The following HPSE2 variants were observed in gnomAD, a reference collection of about 807,000 sequenced individuals.
HPSE2 encodes the protein heparanase 2 (inactive).
Under a neutral mutation model 60.5 loss-of-function variants are expected in HPSE2, and 38 were observed. The ratio of observed to expected loss-of-function variants is 0.63; its 90% confidence interval spans 0.48 to 0.82. HPSE2 has a LOEUF of 0.82. HPSE2 is among the 40% of genes least tolerant of loss of function. The pLI, the probability that HPSE2 is intolerant of heterozygous loss-of-function variation, is 0.00. For missense variants in HPSE2, 713 were observed against 740.4 expected (o/e 0.96, Z 0.43); for synonymous variants, 295 against 293.2 (o/e 1.01, Z -0.06).
chr10:98,908,683 CAAAAAAAA>C (rs35913499), intron 3 of HPSE2, among the ~76,000 whole-genome samples: 3 of 66,106 alleles, frequency 4.5e-5, no homozygotes, highest in African/African-American at 6.0e-5. Flanking sequence ...AGCTCCATCT[CAAAAAAAA>C]AAAAAAAAAA....
At chr10:98,959,924 C>A (rs1433037314) in intron 3 of HPSE2, among the ~76,000 whole-genome samples, 1 of 152,058 alleles carries the variant, frequency 6.6e-6, no homozygotes, top group Non-Finnish European at 1.5e-5. Context: ...CCATAGAAGC[C>A]AATATGCTTC....
intron 9 of HPSE2, among the ~76,000 whole-genome samples, chr10:98,542,773 A>G (rs1943516821): frequency 6.6e-6 from 1 of 152,048 alleles, no homozygotes; most frequent in South Asian, 2.1e-4. Flanking sequence ...AGGGAAGTTT[A>G]GAGAAAAAAG....
intron 9 of HPSE2, among the ~76,000 whole-genome samples, chr10:98,508,223 T>C (rs559211546): frequency 9.8e-5 from 15 of 152,350 alleles, no homozygotes; most frequent in Non-Finnish European, 1.9e-4. Context: ...TAATAGCAGA[T>C]GACACTAAAA....
intron 3 of HPSE2, among the ~76,000 whole-genome samples, chr10:98,953,402 C>T (rs996047718): frequency 3.3e-5 from 5 of 152,288 alleles, no homozygotes; most frequent in African/African-American, 1.2e-4. Context: ...CAGCTTACCT[C>T]ACCATGTTTC....
At chr10:98,625,959 A>G (rs1946196215) in intron 7 of HPSE2, among the ~76,000 whole-genome samples, 1 of 152,072 alleles carries the variant, frequency 6.6e-6, no homozygotes, top group Admixed American at 6.5e-5. Context: ...AAACAAAATT[A>G]GCTGGGTGTG....
chr10:98,579,968 AC>A (rs1344640247), intron 9 of HPSE2, among the ~76,000 whole-genome samples: 1 of 152,136 alleles, frequency 6.6e-6, no homozygotes, highest in Non-Finnish European at 1.5e-5. Context: ...TAAGTCTGCT[AC>A]CCAGCTGGTG....
chr10:98,777,852 T>G (rs975958582), intron 3 of HPSE2, among the ~76,000 whole-genome samples: 1 of 152,158 alleles, frequency 6.6e-6, no homozygotes, highest in African/African-American at 2.4e-5. Flanking sequence ...GCACAGGTTC[T>G]GTCAGGCCAC....
chr10:99,235,957 C>G (rs1849833039), upstream of HPSE2: 1 of 576,348 alleles, frequency 1.7e-6, no homozygotes, highest in South Asian at 2.3e-5. Flanking sequence ...CTCTCCCGCT[C>G]TCTCTCTCTC....
chr10:98,969,512 ACTTTAACTCTCT>A (rs1479256816), intron 3 of HPSE2, among the ~76,000 whole-genome samples: 4 of 152,174 alleles, frequency 2.6e-5, no homozygotes, highest in Non-Finnish European at 4.4e-5. Context: ...ACAAGTCTAT[ACTTTAACTCTCT>A]CTTCTTCATG....
intron 3 of HPSE2, among the ~76,000 whole-genome samples, chr10:98,881,257 G>A (rs185055241): frequency 9.1e-4 from 138 of 152,110 alleles, no homozygotes; most frequent in African/African-American, 3.1e-3. Context: ...TTATGGGTAG[G>A]GATTCCACGG....
intron 3 of HPSE2, among the ~76,000 whole-genome samples, chr10:98,915,977 C>T (rs974468030): frequency 6.6e-6 from 1 of 152,114 alleles, no homozygotes; most frequent in African/African-American, 2.4e-5. Flanking sequence ...ACATAGGATT[C>T]ACAACATTCC....
the HPSE2 span, among the ~76,000 whole-genome samples, chr10:99,315,732 A>G: frequency 1.3e-5 from 2 of 152,226 alleles, no homozygotes; most frequent in African/African-American, 4.8e-5. Context: ...TCTCTTCCTC[A>G]GTTCCATAAA....
intron 3 of HPSE2, among the ~76,000 whole-genome samples, chr10:99,034,262 T>C (rs1158827952): frequency 6.6e-6 from 1 of 152,178 alleles, no homozygotes; most frequent in African/African-American, 2.4e-5. Flanking sequence ...TACAAACCTA[T>C]GTATTGTATG....
At chr10:99,287,082 G>A in the HPSE2 span, among the ~76,000 whole-genome samples, 1 of 152,040 alleles carries the variant, frequency 6.6e-6, no homozygotes, top group Non-Finnish European at 1.5e-5. Context: ...CCAGCATCTA[G>A]TACAGAACCT....
intron 3 of HPSE2, among the ~76,000 whole-genome samples, chr10:99,017,308 T>C (rs925449052): frequency 6.6e-6 from 1 of 152,206 alleles, no homozygotes; most frequent in Non-Finnish European, 1.5e-5. Context: ...TTCAGTTCTG[T>C]TTATGTGGTG....
At chr10:98,863,711 A>G (rs370831979) in intron 3 of HPSE2, among the ~76,000 whole-genome samples, 12 of 152,298 alleles carry the variant, frequency 7.9e-5, no homozygotes, top group African/African-American at 2.6e-4. Flanking sequence ...CCTAACTGTC[A>G]TTTATAAGTG....
At chr10:99,190,235 G>A (rs117633823) in intron 2 of HPSE2, among the ~76,000 whole-genome samples, 2,210 of 152,292 alleles carry the variant, frequency 0.015, 24 homozygotes, top group African/African-American at 0.032. Flanking sequence ...TTAACTAATA[G>A]TTCAAATTCT....
chr10:98,589,892 A>G (rs945920207), intron 9 of HPSE2, among the ~76,000 whole-genome samples: 4 of 152,202 alleles, frequency 2.6e-5, no homozygotes, highest in African/African-American at 9.7e-5. Context: ...TCTTGGAATT[A>G]TACAGAATTT....
intron 3 of HPSE2, among the ~76,000 whole-genome samples, chr10:99,045,163 T>C (rs1184271022): frequency 6.6e-6 from 1 of 152,110 alleles, no homozygotes; most frequent in Middle Eastern, 3.2e-3. Flanking sequence ...ATATCAACCA[T>C]ACTCTTGGAC....
Sources: gnomAD v4.1 joint callset for allele counts (sites outside exome capture counted in the v4.1 genomes callset) on GRCh38, gnomAD v4.1.1 for gene constraint, MANE v1.5 for transcripts, NCBI Gene and HGNC (gene_info 2026-07-23, HGNC 2026-07-21) for gene names.